The following CNTN4 variants were observed in gnomAD, a reference collection of about 807,000 sequenced individuals.
CNTN4 encodes contactin-4.
Under a neutral mutation model 122.5 loss-of-function variants are expected in CNTN4, and 77 were observed. The observed-to-expected ratio is 0.63, with a 90% CI of 0.52 to 0.76. The LOEUF is 0.76. Ranked by LOEUF, CNTN4 falls within the 30% of genes least tolerant of loss-of-function variation. The pLI, the probability that CNTN4 is intolerant of heterozygous loss-of-function variation, is 0.00. For synonymous variants in CNTN4, 512 were observed against 447.0 expected (o/e 1.15, Z -1.83); for missense variants, 1,256 against 1,259.1 (o/e 1.00, Z 0.04).
chr3:3,040,179 C>T lies in CNTN4; in HGVS notation c.2306C>T (p.Pro769Leu). ...GTGTTCAGGAATGAGAGCGTGCACCCCTTCTCTCCCTTTGAGGTTAAAGTA... is the reference window on the plus strand; with the variant it reads ...GTGTTCAGGAATGAGAGCGTGCACCTCTTCTCTCCCTTTGAGGTTAAAGTA... ...RYVFRNESVHPFSPFEVKVGV... is the reference protein window; with the variant it reads ...RYVFRNESVHLFSPFEVKVGV... The change falls in exon 20 of 25, where the codon CCC (proline) becomes CTC (leucine). Residue 769 changes from proline to leucine, a missense_variant. Transcript: ENST00000418658. The T allele has an allele frequency of 2.5e-6, 4 of 1,614,166 alleles. No homozygotes were observed. The highest frequency in any genetic ancestry group is 3.4e-6 in the Non-Finnish European group (4 of 1,180,016).
At chr3:2,591,124 C>T (rs1315345180) in intron 4 of CNTN4, among the ~76,000 whole-genome samples, 10 of 152,118 alleles carry the variant, frequency 6.6e-5, no homozygotes, top group Admixed American at 5.2e-4. Flanking sequence ...TGTAGTAACT[C>T]GCTTGTGCAT....
intron 6 of CNTN4, among the ~76,000 whole-genome samples, chr3:2,798,957 G>A (rs991335077): frequency 6.6e-6 from 1 of 152,032 alleles, no homozygotes; most frequent in Admixed American, 6.6e-5. Context: ...CACTCCTACC[G>A]ATGGTATATA....
chr3:2,923,490 A>ATTAACACAGCT (rs748150420), intron 12 of CNTN4, among the ~76,000 whole-genome samples: 4 of 152,224 alleles, frequency 2.6e-5, no homozygotes, highest in Non-Finnish European at 5.9e-5. Flanking sequence ...ACCAAACACA[A>ATTAACACAGCT]AGCCTACGAA....
chr3:2,106,635 C>T (rs984729814), intron 2 of CNTN4, among the ~76,000 whole-genome samples: 3 of 151,496 alleles, frequency 2.0e-5, no homozygotes, highest in Non-Finnish European at 4.4e-5. Flanking sequence ...TCCAAGAAAC[C>T]GTTTTTCCCT....
chr3:2,257,537 A>G (rs1445780089), intron 2 of CNTN4, among the ~76,000 whole-genome samples: 1 of 152,212 alleles, frequency 6.6e-6, no homozygotes, highest in Non-Finnish European at 1.5e-5. Context: ...CAATCTATCC[A>G]TCTGAAAAAG....
intron 4 of CNTN4, among the ~76,000 whole-genome samples, chr3:2,670,000 G>T (rs1223443745): frequency 6.6e-6 from 1 of 152,198 alleles, no homozygotes; most frequent in Non-Finnish European, 1.5e-5. Flanking sequence ...GCTGAGGAGT[G>T]CTTTACTTCC....
chr3:2,801,069 T>C (rs2092335457), intron 6 of CNTN4, among the ~76,000 whole-genome samples: 1 of 152,198 alleles, frequency 6.6e-6, no homozygotes, highest in Non-Finnish European at 1.5e-5. Context: ...CTTTTTATCA[T>C]GGTATTATTT....
chr3:2,749,033 T>A (rs1394108390), intron 6 of CNTN4, among the ~76,000 whole-genome samples: 1 of 152,226 alleles, frequency 6.6e-6, no homozygotes, highest in Non-Finnish European at 1.5e-5. Context: ...TATGACCTCC[T>A]GAGAGAAAGT....
At chr3:2,969,058 C>A (rs1692615090) in intron 13 of CNTN4, among the ~76,000 whole-genome samples, 1 of 152,192 alleles carries the variant, frequency 6.6e-6, no homozygotes, top group South Asian at 2.1e-4. Flanking sequence ...AGTTTTGCAA[C>A]TATCACCATC....
intron 12 of CNTN4, among the ~76,000 whole-genome samples, chr3:2,916,249 G>C (rs1281637071): frequency 6.6e-6 from 1 of 151,480 alleles, no homozygotes; most frequent in Non-Finnish European, 1.5e-5. Context: ...GTTTCTCCGA[G>C]AGGGGGATTT....
At chr3:2,492,481 C>G (rs1028381484) in intron 3 of CNTN4, among the ~76,000 whole-genome samples, 1 of 152,064 alleles carries the variant, frequency 6.6e-6, no homozygotes, top group Non-Finnish European at 1.5e-5. Context: ...ATTGACAGAA[C>G]GAGAGAGCAG....
At chr3:2,243,517 AT>A (rs11425560) in intron 2 of CNTN4, among the ~76,000 whole-genome samples, 19 of 151,256 alleles carry the variant, frequency 1.3e-4, no homozygotes, top group African/African-American at 4.1e-4. Context: ...TTGTTTTGTG[AT>A]TTTTTTTTAG....
chr3:2,919,783 A>T (rs796171786), intron 12 of CNTN4, among the ~76,000 whole-genome samples: 5 of 152,350 alleles, frequency 3.3e-5, no homozygotes, highest in African/African-American at 1.2e-4. Flanking sequence ...TTATATGGAT[A>T]GGATGGGTCA....
chr3:2,953,034 GA>G (rs1428694264), intron 13 of CNTN4, among the ~76,000 whole-genome samples: 1 of 152,164 alleles, frequency 6.6e-6, no homozygotes, highest in African/African-American at 2.4e-5. Context: ...CTTAATCGTA[GA>G]CATAGAGATG....
intron 4 of CNTN4, among the ~76,000 whole-genome samples, chr3:2,604,098 T>C (rs1008169029): frequency 6.6e-6 from 1 of 152,196 alleles, no homozygotes; most frequent in African/African-American, 2.4e-5. Context: ...TTCTGTCACA[T>C]TTCATCTGCC....
At chr3:2,109,479 T>C (rs552883730) in intron 2 of CNTN4, among the ~76,000 whole-genome samples, 2 of 152,312 alleles carry the variant, frequency 1.3e-5, no homozygotes, top group South Asian at 2.1e-4. Context: ...AAAAATACTT[T>C]GTAACTTGCA....
Position 3,039,120 on chromosome 3 carries a change from T to A in CNTN4, c.2163+117T>A, listed in dbSNP as rs570448891. On this transcript the variant is annotated intron_variant, in intron 19 of 24. Transcript: ENST00000418658. ...TCTGTTTTTAACAGTGAAAATTCATTTGGGTTCAGACACTCCCTCTCACGT... is the reference window on the plus strand; with the variant it reads ...TCTGTTTTTAACAGTGAAAATTCATATGGGTTCAGACACTCCCTCTCACGT... The A allele has an allele frequency of 1.0e-4, 97 of 930,094 alleles. No homozygotes were observed. In the African/African-American group the frequency reaches 1.3e-3, roughly 13 times the overall value. 57.6% of individuals were successfully genotyped at this position (930,094 alleles called of 1,614,324 possible).
At chr3:2,950,436 T>TATAAGC (rs1356784243) in intron 13 of CNTN4, among the ~76,000 whole-genome samples, 26 of 152,330 alleles carry the variant, frequency 1.7e-4, no homozygotes, top group African/African-American at 6.0e-4. Flanking sequence ...TAGCTTGTTA[T>TATAAGC]ATAAGCATCT....
At chr3:2,907,452 C>T (rs1453309442) in intron 12 of CNTN4, among the ~76,000 whole-genome samples, 1 of 151,710 alleles carries the variant, frequency 6.6e-6, no homozygotes, top group African/African-American at 2.4e-5. Context: ...GCATGCTTGT[C>T]GTCCCAGCTA....
Sources: gnomAD v4.1 joint callset for allele counts (sites outside exome capture counted in the v4.1 genomes callset) on GRCh38, gnomAD v4.1.1 for gene constraint, MANE v1.5 for transcripts, NCBI Gene and HGNC (gene_info 2026-07-23, HGNC 2026-07-21) for gene names.